SUZ12: variants seen among roughly 807,000 people sequenced by gnomAD.
The protein encoded by SUZ12 is SUZ12 polycomb repressive complex 2 subunit.
SUZ12 carries 17 observed loss-of-function variants against 87.3 expected under a neutral mutation model. That is an observed-to-expected ratio of 0.19 (90% confidence interval 0.13 to 0.29). The LOEUF is 0.29. Among genes scored for constraint, SUZ12 ranks in the 10% least tolerant of loss-of-function variants. The probability of loss-of-function intolerance (pLI) is 1.00; values close to 1 mark genes in which losing one functional copy is unlikely to be tolerated. For missense variants in SUZ12, 526 were observed against 912.2 expected (o/e 0.58, Z 5.45); for synonymous variants, 253 against 312.4 (o/e 0.81, Z 2.01).
At chr17:31,996,195 G>T (rs574555732) in intron 14 of SUZ12, among the ~76,000 whole-genome samples, 151 of 152,278 alleles carry the variant, frequency 9.9e-4, no homozygotes, top group African/African-American at 3.4e-3. Flanking sequence ...GGGTGACAGA[G>T]GGAGACCCTG....
rs1906419628 is a variant in SUZ12, at chr17:31,943,362, AG to A, written c.386+2877del. ...ATTTTAAAAGAAAGAAAAAATTTAC[AG>A]TTTTTTAAAATTTCAGTCCGAAATG... On this transcript the variant is annotated intron_variant, in intron 3 of 15. Coordinates refer to ENST00000322652, the MANE Select transcript of SUZ12 (RefSeq NM_015355.4). Among the ~76,000 whole-genome samples, 3 of 152,322 alleles carry A rather than the reference AG, an allele frequency of 2.0e-5. No homozygotes were observed. In the South Asian group the frequency reaches 6.2e-4, roughly 32 times the overall value.
rs993476276 is a variant in SUZ12, at chr17:31,947,750, C to A, written c.455+65C>A. ...AGGAAAGAGGAAAAATTACAGTGAT[C>A]ATTTTCCTAGTGATCACCTTGATAT... On this transcript the variant is annotated intron_variant, in intron 4 of 15. Coordinates refer to ENST00000322652, the MANE Select transcript of SUZ12 (RefSeq NM_015355.4). 9.4e-6 allele frequency: 14 copies of A among 1,485,294 alleles called. No homozygotes were observed. In the African/African-American group the frequency reaches 1.8e-4, roughly 19 times the overall value. 92.0% of individuals were successfully genotyped at this position (1,485,294 alleles called of 1,614,324 possible).
chr17:31,950,451 A>C (rs1906900669), intron 4 of SUZ12, among the ~76,000 whole-genome samples: 8 of 152,036 alleles, frequency 5.3e-5, no homozygotes, highest in Admixed American at 5.2e-4. Context: ...TTGGTGGCTG[A>C]GGTGGGTGGA....
intron 9 of SUZ12, among the ~76,000 whole-genome samples, chr17:31,986,259 C>T (rs912569982): frequency 6.6e-6 from 1 of 152,106 alleles, no homozygotes; most frequent in Non-Finnish European, 1.5e-5. Flanking sequence ...AAGCTCTTAA[C>T]CCTGTAAAAT....
At chr17:31,958,208 G>T (rs1438998693) in intron 4 of SUZ12, among the ~76,000 whole-genome samples, 1 of 151,738 alleles carries the variant, frequency 6.6e-6, no homozygotes, top group African/African-American at 2.4e-5. Flanking sequence ...AGCCCCTTTT[G>T]TACTTTTTGT....
intron 5 of SUZ12, among the ~76,000 whole-genome samples, chr17:31,971,290 G>C (rs558046277): frequency 6.6e-6 from 1 of 151,924 alleles, no homozygotes; most frequent in Non-Finnish European, 1.5e-5. Flanking sequence ...AGTTGTCTCT[G>C]TGCATTCATA....
chr17:31,970,303 C>A (rs924739211), intron 5 of SUZ12, among the ~76,000 whole-genome samples: 1 of 152,160 alleles, frequency 6.6e-6, no homozygotes, highest in Non-Finnish European at 1.5e-5. Context: ...TTTACACACA[C>A]ACCCCCAATA....
chr17:31,997,372 AT>A (rs1216518376), intron 15 of SUZ12, among the ~76,000 whole-genome samples: 4 of 152,114 alleles, frequency 2.6e-5, no homozygotes, highest in Non-Finnish European at 1.5e-5. Context: ...CACTCAAAAC[AT>A]TTTATAGAGC....
chr17:31,988,311 AT>A lies in SUZ12; in HGVS notation c.1024-3del. ...AGTCTCCAGTCTTTGCATGTTTTTT[AT>A]TTTTTAGAGGCTGCCTCCATTCGAA... On this transcript the variant is annotated splice_region_variant and splice_polypyrimidine_tract_variant and intron_variant, in intron 9 of 15. Transcript: ENST00000322652. The A allele has an allele frequency of 1.3e-6, 2 of 1,529,922 alleles. No homozygotes were observed. The highest frequency in any genetic ancestry group is 2.4e-5 in the East Asian group (1 of 41,436). 94.8% of individuals were successfully genotyped at this position (1,529,922 alleles called of 1,614,324 possible).
intron 4 of SUZ12, among the ~76,000 whole-genome samples, chr17:31,950,153 A>AT (rs1906877910): frequency 6.7e-6 from 1 of 148,654 alleles, no homozygotes; most frequent in African/African-American, 2.5e-5. Flanking sequence ...CACCGAACTA[A>AT]TTTTTTCTTG....
intron 10 of SUZ12, 96 bp downstream of exon 10, chr17:31,988,593 TC>T: frequency 7.9e-7 from 1 of 1,272,990 alleles, no homozygotes. Context: ...TTTATGTGAT[TC>T]TTCTTTTTTT....
In SUZ12 at chr17:31,979,170, AATATCCAC is replaced by A. The variant is rs57779166; in HGVS notation, c.917+2560_917+2567del. On this transcript the variant is annotated intron_variant, in intron 8 of 15. Coordinates refer to ENST00000322652, the MANE Select transcript of SUZ12 (RefSeq NM_015355.4). ...AGTTGAAAGAATACTAAAGTCATTT[AATATCCAC>A]ATACCCTTCATCTAGATTGTATCTG... Among the ~76,000 whole-genome samples, 761 of 151,266 alleles carry A rather than the reference AATATCCAC, an allele frequency of 5.0e-3. 11 individuals carry two copies. The highest frequency in any genetic ancestry group is 0.017 in the African/African-American group (714 of 41,200).
At chr17:31,996,164 T>C (rs1909969221) in intron 14 of SUZ12, among the ~76,000 whole-genome samples, 1 of 152,136 alleles carries the variant, frequency 6.6e-6, no homozygotes, top group Admixed American at 6.6e-5. Context: ...GAGCCAAGAT[T>C]GCACCACTGC....
At chr17:31,952,921 A>C (rs1237330535) in intron 4 of SUZ12, among the ~76,000 whole-genome samples, 1 of 152,114 alleles carries the variant, frequency 6.6e-6, no homozygotes, top group Non-Finnish European at 1.5e-5. Context: ...CCATGGACTA[A>C]AATGCATCAT....
At chr17:31,939,921 A>C (rs1296938413) in intron 1 of SUZ12, among the ~76,000 whole-genome samples, 1 of 152,204 alleles carries the variant, frequency 6.6e-6, no homozygotes, top group East Asian at 1.9e-4. Context: ...CCAGCTGCCT[A>C]TTACAGCTGC....
At position 31,937,227 on chromosome 17, in the gene SUZ12, G is replaced by A. The variant is rs1905983853; in HGVS notation, c.-20G>A. The A allele has an allele frequency of 7.1e-7, 1 of 1,401,158 alleles. No individual in the cohort carries two copies. The highest frequency in any genetic ancestry group is 9.2e-7 in the Non-Finnish European group (1 of 1,088,722). The allele number at this position is 1,401,158 out of a possible 1,614,324, so 86.8% of individuals were successfully genotyped here. A position where few individuals can be genotyped will look rare whatever the true frequency, so the allele number is the denominator to read the frequency against. Reference sequence around the variant, plus strand: ...GGCCGCCCGGCGGGTAGCTGGCGGGGGGAGGAGGCAGGAACCGCGATGGCG... The same window carrying A: ...GGCCGCCCGGCGGGTAGCTGGCGGGAGGAGGAGGCAGGAACCGCGATGGCG... On this transcript the variant is annotated 5_prime_UTR_variant, in exon 1 of 16. Transcript: ENST00000322652.
intron 4 of SUZ12, among the ~76,000 whole-genome samples, chr17:31,954,460 A>G (rs1193763830): frequency 6.6e-6 from 1 of 151,054 alleles, no homozygotes; most frequent in African/African-American, 2.4e-5. Flanking sequence ...GAAGGCCTGC[A>G]TCTATATTCT....
chr17:31,977,031 T>G (rs1395248853), intron 8 of SUZ12, among the ~76,000 whole-genome samples: 1 of 152,338 alleles, frequency 6.6e-6, no homozygotes, highest in South Asian at 2.1e-4. Context: ...TTTAGAGAGA[T>G]ATCCTCTGGG....
intron 10 of SUZ12, among the ~76,000 whole-genome samples, chr17:31,992,974 G>T (rs993704344): frequency 7.9e-5 from 12 of 152,028 alleles, no homozygotes; most frequent in African/African-American, 2.9e-4. Context: ...CAATGTGCTG[G>T]GATTACAGGC....
Sources: allele counts gnomAD v4.1 joint callset (sites outside exome capture counted in the v4.1 genomes callset), GRCh38; gene constraint gnomAD v4.1.1; transcripts MANE v1.5; gene names NCBI Gene and HGNC (gene_info 2026-07-23, HGNC 2026-07-21).